Variants in AKAP6 observed in about 807,000 individuals in gnomAD.
AKAP6 encodes the protein A-kinase anchor protein 6.
Under a neutral mutation model 188.5 loss-of-function variants are expected in AKAP6, and 58 were observed. The ratio of observed to expected loss-of-function variants is 0.31; its 90% confidence interval spans 0.25 to 0.38. The LOEUF (loss-of-function observed/expected upper bound fraction) is 0.38, where lower values mean the gene tolerates loss of function less well. AKAP6 is among the 10% of genes least tolerant of loss of function. The pLI is 1.00. For synonymous variants in AKAP6, 989 were observed against 998.6 expected, an observed-to-expected ratio of 0.99 and a Z score of 0.18; for missense variants, 2,710 against 2,740.0, an observed-to-expected ratio of 0.99 and a Z score of 0.24.
intron 11 of AKAP6, among the ~76,000 whole-genome samples, chr14:32,771,765 A>G (rs1377031317): frequency 1.3e-5 from 2 of 152,172 alleles, no homozygotes; most frequent in Non-Finnish European, 1.5e-5. Context: ...AGTTAACTTT[A>G]TTTTAAAGAC....
At chr14:32,475,422 G>A (rs1879010267) in intron 2 of AKAP6, among the ~76,000 whole-genome samples, 1 of 152,156 alleles carries the variant, frequency 6.6e-6, no homozygotes, top group Non-Finnish European at 1.5e-5. Context: ...TTTAGTGAAT[G>A]TTAGTTTTTG....
intron 9 of AKAP6, among the ~76,000 whole-genome samples, chr14:32,707,924 A>C (rs913370928): frequency 5.9e-5 from 9 of 152,124 alleles, no homozygotes; most frequent in African/African-American, 2.2e-4. Context: ...AGTAGTAGGG[A>C]AAGAATAAGG....
At chr14:32,334,503 G>T (rs1886628121) in intron 1 of AKAP6, among the ~76,000 whole-genome samples, 1 of 152,136 alleles carries the variant, frequency 6.6e-6, no homozygotes, top group Non-Finnish European at 1.5e-5. Flanking sequence ...GATTAGTGAT[G>T]CTGGCATATT....
At chr14:32,585,934 A>G (rs1885219669) in intron 5 of AKAP6, among the ~76,000 whole-genome samples, 1 of 152,102 alleles carries the variant, frequency 6.6e-6, no homozygotes, top group South Asian at 2.1e-4. Context: ...AAGGAGTTTG[A>G]ATGTCTTTTT....
chr14:32,518,022 C>T (rs1019370609), intron 2 of AKAP6, among the ~76,000 whole-genome samples: 6 of 152,214 alleles, frequency 3.9e-5, no homozygotes, highest in Admixed American at 2.0e-4. Context: ...CAGGCAGCAA[C>T]ATTTACCGTT....
At chr14:32,646,901 T>C (rs1888008495) in intron 7 of AKAP6, among the ~76,000 whole-genome samples, 1 of 152,136 alleles carries the variant, frequency 6.6e-6, no homozygotes, top group Non-Finnish European at 1.5e-5. Flanking sequence ...CTTTTGTATA[T>C]AGACAAGTTA....
chr14:32,760,609 C>T (rs1034393469), intron 11 of AKAP6, among the ~76,000 whole-genome samples: 1 of 152,110 alleles, frequency 6.6e-6, no homozygotes, highest in Non-Finnish European at 1.5e-5. Flanking sequence ...ACTACCCTCC[C>T]GTGTATTCAA....
chr14:32,368,144 C>G (rs1220652355), intron 1 of AKAP6, among the ~76,000 whole-genome samples: 1 of 152,140 alleles, frequency 6.6e-6, no homozygotes, highest in Non-Finnish European at 1.5e-5. Flanking sequence ...GGTTAGCACT[C>G]TATTAATCCT....
intron 9 of AKAP6, among the ~76,000 whole-genome samples, chr14:32,697,332 CTTAA>C (rs529934510): frequency 6.6e-6 from 1 of 152,116 alleles, no homozygotes; most frequent in South Asian, 2.1e-4. Flanking sequence ...GCAGTCCAAC[CTTAA>C]TTGAGTTTGT....
intron 5 of AKAP6, among the ~76,000 whole-genome samples, chr14:32,598,814 G>T (rs1885807035): frequency 6.6e-6 from 1 of 152,090 alleles, no homozygotes; most frequent in Non-Finnish European, 1.5e-5. Context: ...ATGCCGGATT[G>T]TGCTTGATGT....
chr14:32,574,315 T>C (rs897714408), intron 4 of AKAP6, among the ~76,000 whole-genome samples: 22 of 152,170 alleles, frequency 1.4e-4, no homozygotes, highest in African/African-American at 4.8e-4. Context: ...GGACTCCTGT[T>C]TCCCCTATAT....
chr14:32,693,243 G>A (rs1330891706), intron 8 of AKAP6, among the ~76,000 whole-genome samples: 3 of 152,040 alleles, frequency 2.0e-5, no homozygotes, highest in Non-Finnish European at 2.9e-5. Context: ...GTCAGGGACC[G>A]GTGGTATTTC....
chr14:32,625,829 T>C (rs1396093835), intron 7 of AKAP6, among the ~76,000 whole-genome samples: 1 of 152,144 alleles, frequency 6.6e-6, no homozygotes, highest in African/African-American at 2.4e-5. Context: ...TTAAGCACCC[T>C]TTAAACCAAA....
At chr14:32,779,122 G>A (rs919522345) in intron 12 of AKAP6, among the ~76,000 whole-genome samples, 5 of 151,984 alleles carry the variant, frequency 3.3e-5, no homozygotes, top group African/African-American at 9.7e-5. Flanking sequence ...TAGGCCAGAT[G>A]TGGTGGCTCA....
intron 2 of AKAP6, among the ~76,000 whole-genome samples, chr14:32,518,386 C>T (rs989735683): frequency 1.3e-5 from 2 of 152,142 alleles, no homozygotes; most frequent in African/African-American, 4.8e-5. Flanking sequence ...TCGGTAATAA[C>T]AGACTTCTCT....
At chr14:32,532,035 A>G (rs1028769219) in intron 2 of AKAP6, among the ~76,000 whole-genome samples, 6 of 152,160 alleles carry the variant, frequency 3.9e-5, no homozygotes, top group Admixed American at 2.6e-4. Context: ...TGGTAATTGT[A>G]TGCTTAATTT....
At chr14:32,595,654 G>A (rs1885664998) in intron 5 of AKAP6, among the ~76,000 whole-genome samples, 1 of 152,014 alleles carries the variant, frequency 6.6e-6, no homozygotes, top group South Asian at 2.1e-4. Flanking sequence ...AACTATATGT[G>A]CATGCCACCA....
chr14:32,772,479 G>A (rs2032929115), intron 11 of AKAP6, among the ~76,000 whole-genome samples: 1 of 152,146 alleles, frequency 6.6e-6, no homozygotes, highest in Admixed American at 6.6e-5. Context: ...AAGGTACAGA[G>A]TTCTCTCATT....
intron 11 of AKAP6, among the ~76,000 whole-genome samples, chr14:32,745,519 G>A (rs916832316): frequency 7.3e-6 from 1 of 136,970 alleles, no homozygotes; most frequent in Non-Finnish European, 1.6e-5. Context: ...CTCTCTCTCT[G>A]TCTGTCTCTC....
Sources: gnomAD v4.1 joint callset for allele counts (sites outside exome capture counted in the v4.1 genomes callset) on GRCh38, gnomAD v4.1.1 for gene constraint, MANE v1.5 for transcripts, NCBI Gene and HGNC (gene_info 2026-07-23, HGNC 2026-07-21) for gene names.